The following ZNF83 variants were observed in gnomAD, a reference collection of about 807,000 sequenced individuals.
ZNF83 encodes zinc finger protein 816B.
For missense variants in ZNF83, 552 were observed against 629.9 expected (o/e 0.88, Z 1.32); for synonymous variants, 209 against 213.0 (o/e 0.98, Z 0.17).
At chr19:52,651,683 CAAAAAAA>C (rs58706352) in intron 3 of ZNF83, 5 of 117,286 alleles carry the variant, frequency 4.3e-5, no homozygotes, top group East Asian at 2.4e-4. Context: ...GACTCTGTCT[CAAAAAAA>C]AAAAAAAAAA....
intron 1 of ZNF83, among the ~76,000 whole-genome samples, chr19:52,676,521 G>A (rs1184257454): frequency 6.6e-6 from 1 of 151,478 alleles, no homozygotes; most frequent in Admixed American, 6.6e-5. Context: ...CCCCCGCCCG[G>A]CCAGCCGCCC....
chr19:52,668,870 C>T (rs1225975807), intron 1 of ZNF83, among the ~76,000 whole-genome samples: 8 of 151,994 alleles, frequency 5.3e-5, no homozygotes, highest in Admixed American at 6.5e-5. Context: ...CCTGGGGTAA[C>T]AAGTTATGCC....
At chr19:52,630,950 A>G (rs12610775) in intron 2 of ZNF83, among the ~76,000 whole-genome samples, 65,954 of 145,894 alleles carry the variant, frequency 0.45, 15,443 homozygotes, top group East Asian at 0.73. Context: ...TATCCACCCC[A>G]TGGTGCCAAA....
chr19:52,664,481 G>A (rs1222524425), intron 1 of ZNF83, among the ~76,000 whole-genome samples: 1 of 152,112 alleles, frequency 6.6e-6, no homozygotes, highest in Non-Finnish European at 1.5e-5. Flanking sequence ...GGGTGTCAAA[G>A]TGAGACCCCA....
intron 1 of ZNF83, among the ~76,000 whole-genome samples, chr19:52,684,667 G>A (rs1323339744): frequency 6.6e-6 from 1 of 152,174 alleles, no homozygotes; most frequent in Non-Finnish European, 1.5e-5. Context: ...AGATGTGGGT[G>A]GGAGGGCATG....
intron 3 of ZNF83, among the ~76,000 whole-genome samples, chr19:52,643,885 G>C (rs1321862416): frequency 6.6e-6 from 1 of 152,160 alleles, no homozygotes; most frequent in Non-Finnish European, 1.5e-5. Flanking sequence ...AGACAGGAAG[G>C]GTTTTGATGT....
At chr19:52,654,442 C>G in intron 3 of ZNF83, 12 of 800,826 alleles carry the variant, frequency 1.5e-5, no homozygotes, top group Non-Finnish European at 2.3e-5. Flanking sequence ...CAATTAAGTA[C>G]AGATGGTAAA....
At chr19:52,614,277 A>G (rs2060227421) in exon 3 of ZNF83, 1 of 1,614,106 alleles carries the variant, frequency 6.2e-7, no homozygotes. Flanking sequence ...TGCCACGCTC[A>G]CTACATTTGT....
intron 1 of ZNF83, among the ~76,000 whole-genome samples, chr19:52,673,106 G>A (rs570161900): frequency 2.0e-5 from 3 of 152,262 alleles, no homozygotes; most frequent in African/African-American, 7.2e-5. Flanking sequence ...CTACTCAGGA[G>A]ACTGAGGCAT....
At chr19:52,663,321 C>A (rs998321689) in intron 1 of ZNF83, among the ~76,000 whole-genome samples, 2 of 152,110 alleles carry the variant, frequency 1.3e-5, no homozygotes. Context: ...CAATTGTGAA[C>A]CCCTAGCTAT....
At chr19:52,613,028 T>TA in exon 3 of ZNF83, 1 of 1,597,960 alleles carries the variant, frequency 6.3e-7, no homozygotes, top group Non-Finnish European at 8.5e-7. Context: ...TTACATGTGT[T>TA]AGATTTCTTT....
chr19:52,684,765 A>T (rs572861228), intron 1 of ZNF83, among the ~76,000 whole-genome samples: 18 of 152,184 alleles, frequency 1.2e-4, no homozygotes, highest in South Asian at 8.3e-4. Flanking sequence ...AGGGACAATG[A>T]CCTGAGACAG....
intron 1 of ZNF83, among the ~76,000 whole-genome samples, chr19:52,667,651 C>T (rs957519685): frequency 2.0e-5 from 3 of 152,116 alleles, no homozygotes; most frequent in Non-Finnish European, 2.9e-5. Flanking sequence ...TGTAAACATA[C>T]TGGCAAAAGT....
intron 1 of ZNF83, among the ~76,000 whole-genome samples, chr19:52,676,021 T>G (rs954061828): frequency 6.6e-6 from 1 of 152,028 alleles, no homozygotes; most frequent in African/African-American, 2.4e-5. Context: ...AAACCCTGTC[T>G]CTACTAACAA....
At chr19:52,620,454 A>T (rs114463730) in intron 2 of ZNF83, among the ~76,000 whole-genome samples, 2 of 152,276 alleles carry the variant, frequency 1.3e-5, no homozygotes, top group South Asian at 4.1e-4. Context: ...GAATCCTCAG[A>T]TATCTGTAGT....
chr19:52,658,643 G>A (rs1371960287), intron 2 of ZNF83, among the ~76,000 whole-genome samples: 3 of 152,168 alleles, frequency 2.0e-5, no homozygotes, highest in African/African-American at 7.2e-5. Context: ...AAGGCCGAAA[G>A]GTTATATAGC....
intron 2 of ZNF83, among the ~76,000 whole-genome samples, chr19:52,633,833 C>A (rs1408198877): frequency 6.6e-5 from 10 of 151,222 alleles, no homozygotes; most frequent in Non-Finnish European, 1.5e-4. Context: ...TCACTTGAAC[C>A]CAAAAGGTGG....
intron 2 of ZNF83, among the ~76,000 whole-genome samples, chr19:52,624,552 G>A (rs145981938): frequency 3.9e-5 from 6 of 152,222 alleles, no homozygotes; most frequent in African/African-American, 1.2e-4. Flanking sequence ...TTCCCCACTC[G>A]TCTTTCCGTT....
chr19:52,666,806 G>A (rs528495412), intron 1 of ZNF83, among the ~76,000 whole-genome samples: 9 of 152,310 alleles, frequency 5.9e-5, no homozygotes, highest in African/African-American at 2.2e-4. Context: ...CCAGGCCTAG[G>A]AGGAACTCCC....
Sources: allele counts gnomAD v4.1 joint callset (sites outside exome capture counted in the v4.1 genomes callset), GRCh38; gene constraint gnomAD v4.1.1; transcripts MANE v1.5; gene names NCBI Gene and HGNC (gene_info 2026-07-23, HGNC 2026-07-21).